ATP10D: variants seen among roughly 807,000 people sequenced by gnomAD.
The protein encoded by ATP10D is ATPase phospholipid transporting 10D (putative).
In ATP10D, 89 loss-of-function variants were observed where a neutral mutation model predicts 144.8. The observed-to-expected ratio is 0.61, with a 90% CI of 0.52 to 0.73. The LOEUF is 0.73. Ranked by LOEUF, ATP10D falls within the 30% of genes least tolerant of loss-of-function variation. The pLI is 0.00. For synonymous variants in ATP10D, 571 were observed against 615.1 expected, an observed-to-expected ratio of 0.93 and a Z score of 1.06; for missense variants, 1,603 against 1,714.8, an observed-to-expected ratio of 0.93 and a Z score of 1.15.
chr4:47,500,401 C>G (rs147299237), intron 1 of ATP10D, among the ~76,000 whole-genome samples: 181 of 152,288 alleles, frequency 1.2e-3, no homozygotes, highest in Admixed American at 3.2e-3. Flanking sequence ...GTGAAATTGT[C>G]AGGATCTAAA....
intron 9 of ATP10D, among the ~76,000 whole-genome samples, chr4:47,543,798 T>G (rs1344835308): frequency 6.6e-6 from 1 of 151,520 alleles, no homozygotes; most frequent in Non-Finnish European, 1.5e-5. Flanking sequence ...GGCATTATTT[T>G]GAAGATAAAA....
At chr4:47,492,835 C>A (rs1715152713) in intron 1 of ATP10D, among the ~76,000 whole-genome samples, 1 of 152,088 alleles carries the variant, frequency 6.6e-6, no homozygotes, top group Non-Finnish European at 1.5e-5. Context: ...CATCACATAT[C>A]CAGTAATATG....
intron 14 of ATP10D, 104 bp downstream of exon 14, chr4:47,561,179 T>C: frequency 7.0e-7 from 1 of 1,423,396 alleles, no homozygotes; most frequent in Non-Finnish European, 9.7e-7. Context: ...TAAACATATA[T>C]GGTTCTGCCT....
In ATP10D at chr4:47,587,196, C is replaced by T. The variant is rs1720831722; in HGVS notation, c.3931C>T (p.Leu1311Phe). 2 of 1,612,326 alleles carry T rather than the reference C, an allele frequency of 1.2e-6. No homozygotes were observed. The highest frequency in any genetic ancestry group is 2.7e-5 in the African/African-American group (2 of 75,002). ...LVCILTTSIA[L>F]LPRFVYRVLQ... ...TTGTATCCTCACGACGTCCATTGCT[C>T]TTCTGCCCAGGTATGGTATTTATTT... Residue 1311 changes from leucine to phenylalanine, a missense_variant, in exon 22 of 23, where the codon CTT (leucine) becomes TTT (phenylalanine). Transcript: ENST00000273859.
intron 3 of ATP10D, among the ~76,000 whole-genome samples, chr4:47,516,066 C>T (rs1023631918): frequency 2.6e-5 from 4 of 151,918 alleles, no homozygotes; most frequent in African/African-American, 9.7e-5. Flanking sequence ...CCTGTCTCTA[C>T]TAAAAATACA....
At chr4:47,490,749 C>T (rs147556095) in intron 1 of ATP10D, among the ~76,000 whole-genome samples, 69 of 152,300 alleles carry the variant, frequency 4.5e-4, no homozygotes, top group Admixed American at 5.9e-4. Context: ...CCTTGTCAGC[C>T]AGTAGGATTG....
chr4:47,570,007 G>A (rs1424612375), intron 16 of ATP10D, among the ~76,000 whole-genome samples: 3 of 152,160 alleles, frequency 2.0e-5, no homozygotes, highest in Admixed American at 6.6e-5. Context: ...GGTCTTAGAG[G>A]ACATTATAAA....
At chr4:47,572,296 A>C in intron 17 of ATP10D, 66 bp downstream of exon 17, 2 of 1,426,380 alleles carry the variant, frequency 1.4e-6, no homozygotes, top group Non-Finnish European at 9.9e-7. Context: ...AGCATTCTCC[A>C]TGGTAAATTC....
At position 47,583,403 on chromosome 4, in the gene ATP10D, A is replaced by T. The variant is rs28581685; in HGVS notation, c.3753+1339A>T. 378 of 152,386 alleles carry T rather than the reference A, an allele frequency of 2.5e-3. 3 individuals carry two copies. Among genetic ancestry groups the T allele is most frequent in the African/African-American group, 8.9e-3 (372 of 41,596 alleles). 9.4% of individuals were successfully genotyped at this position (152,386 alleles called of 1,614,324 possible). A position where few individuals can be genotyped will look rare whatever the true frequency, so the allele number is the denominator to read the frequency against. Reference sequence around the variant, plus strand: ...GCTGAATAAGGTTATAGTTTAAAATATATGAAGTTATATTACAAAATTATT... The same window carrying T: ...GCTGAATAAGGTTATAGTTTAAAATTTATGAAGTTATATTACAAAATTATT... On this transcript the variant is annotated intron_variant, in intron 21 of 22. Coordinates refer to ENST00000273859, the MANE Select transcript of ATP10D (RefSeq NM_020453.4).
chr4:47,535,317 T>A (rs199597199), intron 5 of ATP10D, among the ~76,000 whole-genome samples, 192 bp from the exon 6 acceptor site: 6 of 141,376 alleles, frequency 4.2e-5, no homozygotes, highest in Admixed American at 7.1e-5. Flanking sequence ...CCTAAAAGTC[T>A]AAAAAAAAAA....
At position 47,587,110 on chromosome 4, in the gene ATP10D, C is replaced by G. The variant is rs1436464470; in HGVS notation, c.3845C>G (p.Pro1282Arg). Residue 1282 changes from proline (P) to arginine (R), a missense_variant, in exon 22 of 23, where the codon CCA becomes CGA. Coordinates refer to ENST00000273859, the MANE Select transcript of ATP10D (RefSeq NM_020453.4). ...VFGAMCVTCN[P>R]PSNPYWIMQE... The stretch of plus-strand genomic sequence containing the variant: ...GGAGCCATGTGTGTAACTTGCAACC[C>G]ACCATCCAACCCTTACTGGATTATG... 1 of 1,614,006 alleles carries G rather than the reference C, an allele frequency of 6.2e-7. No individual in the cohort carries two copies. Among genetic ancestry groups the G allele is most frequent in the Non-Finnish European group, 8.5e-7 (1 of 1,179,900 alleles).
intron 14 of ATP10D, among the ~76,000 whole-genome samples, chr4:47,562,470 A>T (rs550815983): frequency 6.6e-6 from 1 of 152,352 alleles, no homozygotes; most frequent in East Asian, 1.9e-4. Flanking sequence ...GATGCAGACA[A>T]ATGCAAATTA....
chr4:47,487,176 T>A (rs1421081291), intron 1 of ATP10D, among the ~76,000 whole-genome samples: 3 of 137,310 alleles, frequency 2.2e-5, no homozygotes, highest in African/African-American at 8.4e-5. Context: ...TTGCTGTGAG[T>A]CGAGATCGGG....
chr4:47,537,330 A>G (rs2109425139), intron 9 of ATP10D, among the ~76,000 whole-genome samples: 1 of 152,276 alleles, frequency 6.6e-6, no homozygotes, highest in African/African-American at 2.4e-5. Flanking sequence ...CTAGGTATCC[A>G]TTGGTGCTTG....
At chr4:47,514,893 C>CT (rs34632139) in intron 2 of ATP10D, among the ~76,000 whole-genome samples, 47,431 of 151,832 alleles carry the variant, frequency 0.31, 7,683 homozygotes, top group Admixed American at 0.38. Flanking sequence ...TTCTCTTGTG[C>CT]TTTTTTCTAT....
chr4:47,580,686 TC>T (rs562789263), intron 20 of ATP10D, among the ~76,000 whole-genome samples: 95 of 152,348 alleles, frequency 6.2e-4, no homozygotes, highest in African/African-American at 2.1e-3. Context: ...CTCTTAGGCC[TC>T]TTGTTAACTC....
In ATP10D at chr4:47,572,931, T is replaced by C. The variant is rs146165568; in HGVS notation, c.3300T>C (p.Leu1100=). 6 of 1,614,140 alleles carry C rather than the reference T, an allele frequency of 3.7e-6. No homozygotes were observed. Among genetic ancestry groups the C allele is most frequent in the African/African-American group, 1.3e-5 (1 of 75,030 alleles). ...TCAAACATCTCAGCAAGCTCCTTCT[T>C]GTCCATGGACACTGGTGTTATACAC... ...SQFKHLSKLL[L]VHGHWCYTRL... The change falls in exon 18 of 23, where the codon CTT becomes CTC. Residue 1100 remains leucine (L), a synonymous_variant. Transcript: ENST00000273859.
chr4:47,582,552 A>G (rs990406041), intron 21 of ATP10D, among the ~76,000 whole-genome samples: 9 of 152,128 alleles, frequency 5.9e-5, no homozygotes, highest in African/African-American at 1.9e-4. Context: ...GTGATGCTGT[A>G]CTTCTCTCTT....
intron 1 of ATP10D, among the ~76,000 whole-genome samples, chr4:47,500,507 A>G (rs1408798929): frequency 6.6e-6 from 1 of 152,226 alleles, no homozygotes; most frequent in Admixed American, 6.5e-5. Context: ...GTTTAAGGGA[A>G]GAGTCAACAG....
Sources: gnomAD v4.1 joint callset for allele counts (sites outside exome capture counted in the v4.1 genomes callset) on GRCh38, gnomAD v4.1.1 for gene constraint, MANE v1.5 for transcripts, NCBI Gene and HGNC (gene_info 2026-07-23, HGNC 2026-07-21) for gene names.